The following DPPA2 variants were observed in gnomAD, a reference collection of about 807,000 sequenced individuals.
The protein encoded by DPPA2 is developmental pluripotency associated 2.
A neutral mutation model predicts 36.2 loss-of-function variants in DPPA2; 26 were observed. The ratio of observed to expected loss-of-function variants is 0.72; its 90% CI spans 0.53 to 1.00. The LOEUF is 1.00. DPPA2 is among the 50% of genes least tolerant of loss of function. DPPA2 has a pLI of 0.00. For missense variants in DPPA2, 361 were observed against 365.1 expected (o/e 0.99, Z 0.09); for synonymous variants, 113 against 123.2 (o/e 0.92, Z 0.55).
In DPPA2 at chr3:109,304,635, A is replaced by T; in HGVS notation, c.694T>A (p.Ser232Thr). 1 of 1,612,460 alleles carries T rather than the reference A, an allele frequency of 6.2e-7. No individual in the cohort carries two copies. Among genetic ancestry groups the T allele is most frequent in the Non-Finnish European group, 8.5e-7 (1 of 1,179,460 alleles). The change falls in exon 7 of 9, where the codon TCG becomes ACG. Residue 232 changes from serine (S) to threonine (T), a missense_variant. Physicochemically the swap from Ser to Thr is moderately conservative, Grantham distance 58. Transcript: ENST00000478945. ...RWCVVHGRLL[S>T]ADTKGWVRLQ... ...CGTACCCAACCCTTTGTGTCTGCCG[A>T]GAGAAGTCTGCCATGGACCACACAC...
chr3:109,299,145 G>A lies in DPPA2; in HGVS notation c.*22+1226C>T, dbSNP rs571400024. On this transcript the variant is annotated intron_variant, in intron 8 of 8. Coordinates refer to ENST00000478945, the MANE Select transcript of DPPA2 (RefSeq NM_138815.4). The stretch of plus-strand genomic sequence containing the variant: ...GGCTGAGGCAGGTGGATCACCTGAG[G>A]TCAGGAGTTCCAGATCAGCCTGGCC... Among the ~76,000 whole-genome samples the A allele has an allele frequency of 3.2e-4, 48 of 151,348 alleles. 3 individuals carry two copies. In the South Asian group the frequency reaches 9.9e-3, roughly 31 times the overall value.
chr3:109,305,787 A>C (rs1054236146), intron 6 of DPPA2, among the ~76,000 whole-genome samples: 23 of 151,994 alleles, frequency 1.5e-4, no homozygotes, highest in African/African-American at 5.3e-4. Context: ...AAAAAAAAAA[A>C]AAAAACGCGT....
At chr3:109,308,959 G>T in intron 5 of DPPA2, 67 bp downstream of exon 5, 1 of 1,576,488 alleles carries the variant, frequency 6.3e-7, no homozygotes, top group South Asian at 1.1e-5. Flanking sequence ...GATATGGTGC[G>T]ACGGTAGGGA....
chr3:109,310,290 T>TTTTATGGTTG (rs1707678807), intron 3 of DPPA2, among the ~76,000 whole-genome samples: 1 of 136,188 alleles, frequency 7.3e-6, no homozygotes, highest in Non-Finnish European at 1.5e-5. Flanking sequence ...CAATCCCAGC[T>TTTTATGGTTG]CCAGCTACTC....
intron 2 of DPPA2, among the ~76,000 whole-genome samples, chr3:109,314,154 A>C (rs1197341152): frequency 6.6e-6 from 1 of 152,134 alleles, no homozygotes; most frequent in East Asian, 1.9e-4. Context: ...CTTATTTTTA[A>C]TTTTTAATTA....
In DPPA2 at chr3:109,309,016, C is replaced by T. The variant is rs1002313211; in HGVS notation, c.396+10G>A. On this transcript the variant is annotated intron_variant, in intron 5 of 8. Transcript: ENST00000478945. Reference sequence around the variant, plus strand: ...CCCACCTTCACACCATCAACACACTCATTACTCACTTGCCGTTGTTCAGGG... The same window carrying T: ...CCCACCTTCACACCATCAACACACTTATTACTCACTTGCCGTTGTTCAGGG... The T allele has an allele frequency of 3.7e-6, 6 of 1,614,192 alleles. No individual in the cohort carries two copies. The highest frequency in any genetic ancestry group is 4.2e-6 in the Non-Finnish European group (5 of 1,180,026).
chr3:109,307,974 C>T (rs1229593319), intron 6 of DPPA2, 58 bp downstream of exon 6: 2 of 1,565,664 alleles, frequency 1.3e-6, no homozygotes, highest in South Asian at 1.2e-5. Context: ...CAGTCTTGGA[C>T]TAATAAAAGT....
Position 109,312,549 on chromosome 3 carries a change from A to G in DPPA2, c.177T>C (p.Asn59=), listed in dbSNP as rs773985111. Residue 59 remains asparagine (N), a synonymous_variant, in exon 3 of 9, where the codon AAT becomes AAC. Coordinates refer to ENST00000478945, the MANE Select transcript of DPPA2 (RefSeq NM_138815.4). ...DVKLEKPKKY[N]PGHLLQTNEQ... is the part of the protein sequence containing the mutation. ...GAGCAATCCCTGTCCTCATACCTGG[A>G]TTGTATTTCTTAGGCTTCTCCAGTT... The G allele has an allele frequency of 1.9e-6, 3 of 1,612,818 alleles. No individual in the cohort carries two copies. Among genetic ancestry groups the G allele is most frequent in the South Asian group, 1.1e-5 (1 of 90,964 alleles).
chr3:109,303,129 A>T (rs1263576069), intron 7 of DPPA2, among the ~76,000 whole-genome samples: 2 of 152,186 alleles, frequency 1.3e-5, no homozygotes, highest in Non-Finnish European at 2.9e-5. Flanking sequence ...GGGTTTCACC[A>T]TGTTGGCCAG....
At position 109,309,331 on chromosome 3, in the gene DPPA2, C is replaced by G; in HGVS notation, c.182-1G>C. 6.2e-7 allele frequency: 1 copy of G among 1,613,668 alleles called. No individual in the cohort carries two copies. The highest frequency in any genetic ancestry group is 8.5e-7 in the Non-Finnish European group (1 of 1,179,810). On this transcript the variant is annotated splice_acceptor_variant, in intron 3 of 8. Transcript: ENST00000478945. LOFTEE classifies it high-confidence loss of function. Reference sequence around the variant, plus strand: ...TGCTCATTTGTTTGAAGTAGATGACCTAAGACAAGAATGGAACCAAAGTAG... The same window carrying G: ...TGCTCATTTGTTTGAAGTAGATGACGTAAGACAAGAATGGAACCAAAGTAG...
chr3:109,314,346 T>C (rs1408346208), intron 2 of DPPA2, among the ~76,000 whole-genome samples, 164 bp downstream of exon 2: 2 of 152,096 alleles, frequency 1.3e-5, no homozygotes, highest in Non-Finnish European at 2.9e-5. Context: ...CACAATCACA[T>C]GAAAGAAAAC....
chr3:109,299,197 A>G (rs1707412273), intron 8 of DPPA2, among the ~76,000 whole-genome samples: 1 of 134,238 alleles, frequency 7.4e-6, no homozygotes. Context: ...GACTCTACTA[A>G]ACATACCAAA....
chr3:109,300,489 T>C, intron 7 of DPPA2, 54 bp from the exon 8 acceptor site: 1 of 1,542,406 alleles, frequency 6.5e-7, no homozygotes, highest in South Asian at 1.1e-5. Flanking sequence ...AGGTAAACCA[T>C]CCCTTACCAA....
intron 8 of DPPA2, among the ~76,000 whole-genome samples, chr3:109,299,997 C>G (rs1254578564): frequency 6.6e-6 from 1 of 152,052 alleles, no homozygotes; most frequent in East Asian, 1.9e-4. Context: ...GTGTGAAGCA[C>G]CGTGTACATG....
chr3:109,306,117 G>A (rs180767491), intron 6 of DPPA2, among the ~76,000 whole-genome samples: 1 of 152,134 alleles, frequency 6.6e-6, no homozygotes, highest in Non-Finnish European at 1.5e-5. Flanking sequence ...ATAGCTCCCC[G>A]ATTAGACTGT....
At chr3:109,310,407 C>CAAAAA (rs147915128) in intron 3 of DPPA2, among the ~76,000 whole-genome samples, 1 of 63,456 alleles carries the variant, frequency 1.6e-5, no homozygotes, top group Non-Finnish European at 3.0e-5. Context: ...GACTCTGTCT[C>CAAAAA]AAAAAAAAAA....
intron 6 of DPPA2, among the ~76,000 whole-genome samples, chr3:109,305,092 G>A (rs1166769890): frequency 6.6e-6 from 1 of 152,018 alleles, no homozygotes; most frequent in Non-Finnish European, 1.5e-5. Context: ...GTTGTGGTGA[G>A]CTGAGATCAC....
At chr3:109,300,511 T>C in intron 7 of DPPA2, 76 bp from the exon 8 acceptor site, 2 of 1,424,722 alleles carry the variant, frequency 1.4e-6, no homozygotes, top group South Asian at 1.1e-5. Context: ...CCCTTTAAAA[T>C]GACCAATAAA....
intron 6 of DPPA2, among the ~76,000 whole-genome samples, chr3:109,305,940 A>C (rs1288896535): frequency 6.6e-6 from 1 of 152,200 alleles, no homozygotes; most frequent in Non-Finnish European, 1.5e-5. Context: ...TGCCTCAGCT[A>C]CAGGAAACAG....
Sources: allele counts gnomAD v4.1 joint callset (sites outside exome capture counted in the v4.1 genomes callset), GRCh38; gene constraint gnomAD v4.1.1; transcripts MANE v1.5; gene names NCBI Gene and HGNC (gene_info 2026-07-23, HGNC 2026-07-21).